DBN1: variants seen among roughly 807,000 people sequenced by gnomAD.
DBN1 encodes the protein drebrin 1.
A neutral mutation model predicts 83.5 loss-of-function variants in DBN1; 21 were observed. That is an observed-to-expected ratio of 0.25 (90% CI 0.18 to 0.36). DBN1 has a LOEUF of 0.36. Among genes scored for constraint, DBN1 ranks in the 10% least tolerant of loss-of-function variants. The pLI is 1.00. For synonymous variants in DBN1, 381 were observed against 384.9 expected, an observed-to-expected ratio of 0.99 and a Z score of 0.12; for missense variants, 874 against 935.7, an observed-to-expected ratio of 0.93 and a Z score of 0.86.
At chr5:177,458,975 A>C in intron 12 of DBN1, 123 bp downstream of exon 12, 2 of 1,479,436 alleles carry the variant, frequency 1.4e-6, no homozygotes, top group Non-Finnish European at 1.8e-6. Context: ...AGCCGCCTCC[A>C]GGGCAGTGCA....
Position 177,458,741 on chromosome 5 carries a change from G to T in DBN1, c.1265-34C>A, listed in dbSNP as rs771745587. On this transcript the variant is annotated intron_variant, in intron 12 of 14. Transcript: ENST00000393565. ...GCACAGGCAGAGGAGATATGTAACCGGCTCCCCTCGGGGAGGATGGAGACC... is the reference window on the plus strand; with the variant it reads ...GCACAGGCAGAGGAGATATGTAACCTGCTCCCCTCGGGGAGGATGGAGACC... 6 of 1,463,526 alleles carry T rather than the reference G, an allele frequency of 4.1e-6. No homozygotes were observed. In the South Asian group the frequency reaches 8.5e-5, roughly 21 times the overall value. 90.7% of individuals were successfully genotyped at this position (1,463,526 alleles called of 1,614,324 possible).
At position 177,459,220 on chromosome 5, in the gene DBN1, G is replaced by A. The variant is rs748335051; in HGVS notation, c.1142C>T (p.Thr381Met). Residue 381 changes from threonine to methionine, a missense_variant, in exon 12 of 15, where the codon ACG becomes ATG. Coordinates refer to ENST00000393565, the MANE Select transcript of DBN1 (RefSeq NM_001363541.2). ...GGTGCTGGAGTCAGACGGGCTCCGCGTGGGGATGGGAGTGGGCGCCATCCT... is the reference window on the plus strand; with the variant it reads ...GGTGCTGGAGTCAGACGGGCTCCGCATGGGGATGGGAGTGGGCGCCATCCT... ...HRRMAPTPIP[T>M]RSPSDSSTAS... The A allele has an allele frequency of 7.4e-6, 12 of 1,611,168 alleles. No individual in the cohort carries two copies. Among genetic ancestry groups the A allele is most frequent in the Admixed American group, 3.4e-5 (2 of 59,620 alleles).
intron 1 of DBN1, among the ~76,000 whole-genome samples, chr5:177,469,959 GA>G (rs1757726975): frequency 1.3e-5 from 2 of 152,210 alleles, no homozygotes; most frequent in Admixed American, 1.3e-4. Flanking sequence ...AGGGAGAAGA[GA>G]AAGAGGAGGG....
intron 2 of DBN1, 180 bp downstream of exon 2, chr5:177,468,664 G>A: frequency 2.3e-6 from 1 of 439,854 alleles, no homozygotes; most frequent in Non-Finnish European, 4.0e-6. Context: ...ACAAGGCTCT[G>A]AGATTCCTCC....
chr5:177,461,518 A>G (rs1000212219), intron 8 of DBN1, among the ~76,000 whole-genome samples: 1 of 152,012 alleles, frequency 6.6e-6, no homozygotes, highest in Non-Finnish European at 1.5e-5. Flanking sequence ...CAGGGCCCTC[A>G]GCCACCTCAT....
At chr5:177,461,309 G>A (rs901027622) in intron 8 of DBN1, among the ~76,000 whole-genome samples, 5 of 151,140 alleles carry the variant, frequency 3.3e-5, no homozygotes, top group South Asian at 2.1e-4. Flanking sequence ...CGTTTTAGCC[G>A]GGATGGTCTC....
intron 1 of DBN1, chr5:177,472,854 A>G (rs1329463612): frequency 1.0e-6 from 1 of 981,088 alleles, no homozygotes; most frequent in Non-Finnish European, 1.2e-6. Context: ...CTTCCACCTC[A>G]CTCCAGCCCA....
chr5:177,471,338 C>G (rs1286060081), intron 1 of DBN1, among the ~76,000 whole-genome samples: 1 of 152,098 alleles, frequency 6.6e-6, no homozygotes, highest in Admixed American at 6.5e-5. Context: ...CATATCACAA[C>G]CAGGACAACA....
At chr5:177,471,767 G>A (rs758702341) in intron 1 of DBN1, among the ~76,000 whole-genome samples, 4 of 152,248 alleles carry the variant, frequency 2.6e-5, no homozygotes, top group East Asian at 3.9e-4. Flanking sequence ...TGAATAACTC[G>A]CTTTGGCCAC....
rs752010249 is a variant in DBN1, at chr5:177,468,910, G to A, written c.87-11C>T. The stretch of plus-strand genomic sequence containing the variant: ...TATGTGTACAGAGCCCTGGGGAGAG[G>A]GAGGGGTGGCTGTCAAACTGTCAGG... On this transcript the variant is annotated splice_polypyrimidine_tract_variant and intron_variant, in intron 1 of 14. Coordinates refer to ENST00000393565, the MANE Select transcript of DBN1 (RefSeq NM_001363541.2). The A allele has an allele frequency of 1.5e-6, 2 of 1,313,302 alleles. No individual in the cohort carries two copies. The highest frequency in any genetic ancestry group is 3.0e-5 in the Admixed American group (1 of 32,790). 81.4% of individuals were successfully genotyped at this position (1,313,302 alleles called of 1,614,324 possible).
intron 8 of DBN1, chr5:177,462,428 C>T (rs1757117955): frequency 1.0e-6 from 1 of 985,074 alleles, no homozygotes; most frequent in Non-Finnish European, 1.2e-6. Flanking sequence ...GAACAAGAGG[C>T]TTGTTCAGGT....
chr5:177,457,567 T>C, intron 14 of DBN1, 64 bp from the exon 15 acceptor site: 1 of 1,565,776 alleles, frequency 6.4e-7, no homozygotes, highest in Non-Finnish European at 8.8e-7. Context: ...CCAGCCTCTG[T>C]GAGCGGTGGG....
In DBN1 at chr5:177,462,308, C is replaced by T. The variant is rs1757109118; in HGVS notation, c.772-1605G>A. 1.5e-5 allele frequency: 15 copies of T among 985,464 alleles called. No homozygotes were observed. The South Asian group carries it at 7.0e-4, about 46-fold the overall frequency. The allele number at this position is 985,464 out of a possible 1,614,324, so 61.0% of individuals were successfully genotyped here. ...AGGCACACCCGTTCCCACCTCCAAG[C>T]CTCAGCATGGGAGACTGGCCTCCCT... On this transcript the variant is annotated intron_variant, in intron 8 of 14. Transcript: ENST00000393565.
rs1253120473 is a variant in DBN1, at chr5:177,467,302, C to T, written c.508G>A (p.Val170Met). Residue 170 changes from valine (V) to methionine (M), a missense_variant, in exon 6 of 15, where the codon GTG (valine) becomes ATG (methionine). Around this residue, in one of 4 missense-constraint regions of DBN1, gnomAD observed 725 missense variants for 719.7 expected, o/e 1.01. Coordinates refer to ENST00000393565, the MANE Select transcript of DBN1 (RefSeq NM_001363541.2). This position sits in a 1 kb window ranked among gnomAD's most constrained non-coding sequence, Gnocchi z 9.1. The stretch of plus-strand genomic sequence containing the variant: ...TCTCGGTTAATCCGCTTCATTTCCA[C>T]AGCTGCATCCGTCTTCTGGTAGGTG... ...GTTYQKTDAAVEMKRINREQF... is the reference protein window; with the variant it reads ...GTTYQKTDAAMEMKRINREQF... 8.1e-6 allele frequency: 13 copies of T among 1,614,212 alleles called. No individual in the cohort carries two copies. Among genetic ancestry groups the T allele is most frequent in the Non-Finnish European group, 1.1e-5 (13 of 1,180,018 alleles).
Position 177,467,398 on chromosome 5 carries a change from T to TTCTTA in DBN1, c.478-67_478-66insTAAGA. On this transcript the variant is annotated intron_variant, in intron 5 of 14. Transcript: ENST00000393565. This position sits in a 1 kb window ranked among gnomAD's most constrained non-coding sequence, Gnocchi z 9.1. The stretch of plus-strand genomic sequence containing the variant: ...CCAGGAACCCCCGACACCTAAAGGG[T>TTCTTA]GAGAGCTAAGAGGGACCGGGCAGGC... The TTCTTA allele has an allele frequency of 1.2e-6, 2 of 1,612,584 alleles. No individual in the cohort carries two copies. Among genetic ancestry groups the TTCTTA allele is most frequent in the South Asian group, 2.2e-5 (2 of 90,970 alleles).
In DBN1 at chr5:177,466,567, A is replaced by T. The variant is rs1303419399; in HGVS notation, c.771+205T>A. The stretch of plus-strand genomic sequence containing the variant: ...TCCAATCTAGAGCACAAGCTTCTCC[A>T]AAGTAGTCTTTTTCCACGGCCAGAG... On this transcript the variant is annotated intron_variant, in intron 8 of 14. Coordinates refer to ENST00000393565, the MANE Select transcript of DBN1 (RefSeq NM_001363541.2). The surrounding 1 kb of genome is among the most constrained non-coding windows in gnomAD (Gnocchi z 4.8). Among the ~76,000 whole-genome samples, 3 of 152,206 alleles carry T rather than the reference A, an allele frequency of 2.0e-5. No homozygotes were observed. The highest frequency in any genetic ancestry group is 4.4e-5 in the Non-Finnish European group (3 of 68,034).
intron 1 of DBN1, among the ~76,000 whole-genome samples, chr5:177,470,243 C>T (rs908504765): frequency 7.9e-5 from 12 of 152,206 alleles, no homozygotes; most frequent in African/African-American, 2.9e-4. Flanking sequence ...GGCCCACCAC[C>T]TGTCCTGCTG....
At chr5:177,469,733 A>C (rs952274065) in intron 1 of DBN1, among the ~76,000 whole-genome samples, 3 of 152,186 alleles carry the variant, frequency 2.0e-5, no homozygotes, top group African/African-American at 7.2e-5. Context: ...TGACAGAGCA[A>C]CCATTGCACA....
At position 177,459,645 on chromosome 5, in the gene DBN1, T is replaced by A. The variant is rs1208301400; in HGVS notation, c.1051A>T (p.Ile351Phe). Reference protein sequence around the residue: ...SSPPRTPFPYITCHRTPNLSS... With the variant: ...SSPPRTPFPYFTCHRTPNLSS... ...AGGTTTGGGGTGCGGTGGCAGGTGA[T>A]ATAGGGAAAGGGAGTCCGTGGAGGG... Residue 351 changes from isoleucine to phenylalanine, a missense_variant, in exon 11 of 15, where the codon ATC becomes TTC. By Grantham distance (21) the Ile-to-Phe change is conservative (BLOSUM62 0). Transcript: ENST00000393565. The A allele has an allele frequency of 6.3e-7, 1 of 1,579,758 alleles. No homozygotes were observed. The highest frequency in any genetic ancestry group is 1.2e-5 in the South Asian group (1 of 86,642).
Sources: gnomAD v4.1 joint callset for allele counts (sites outside exome capture counted in the v4.1 genomes callset) on GRCh38, gnomAD v4.1.1 for gene constraint, gnomAD v4.1.1 regional missense constraint, Gnocchi (gnomAD v3.1) non-coding constraint, MANE v1.5 for transcripts, NCBI Gene and HGNC (gene_info 2026-07-23, HGNC 2026-07-21) for gene names.